DNAJC1: variants seen among roughly 807,000 people sequenced by gnomAD.
DNAJC1 encodes the protein dnaJ homolog subfamily C member 1.
A neutral mutation model predicts 76.6 loss-of-function variants in DNAJC1; 58 were observed. The ratio of observed to expected loss-of-function variants is 0.76; its 90% confidence interval spans 0.61 to 0.94. The LOEUF (loss-of-function observed/expected upper bound fraction) is 0.94. Ranked by LOEUF, DNAJC1 falls within the 40% of genes least tolerant of loss-of-function variation. The probability of loss-of-function intolerance (pLI) is 0.00; values close to 1 mark genes in which losing one functional copy is unlikely to be tolerated. For missense variants in DNAJC1, 689 were observed against 677.3 expected (o/e 1.02, Z -0.19); for synonymous variants, 258 against 267.9 (o/e 0.96, Z 0.36).
intron 1 of DNAJC1, among the ~76,000 whole-genome samples, chr10:21,958,388 A>G (rs1446549328): frequency 2.6e-5 from 4 of 151,778 alleles, no homozygotes; most frequent in East Asian, 3.9e-4. Flanking sequence ...GAATATTTCC[A>G]TCAACCCAAA....
chr10:21,910,252 A>T (rs2131753239), intron 6 of DNAJC1, among the ~76,000 whole-genome samples: 1 of 151,950 alleles, frequency 6.6e-6, no homozygotes, highest in African/African-American at 2.4e-5. Context: ...AATAGCTGGG[A>T]CTACAGGTGC....
chr10:21,967,634 A>T (rs949721526), intron 1 of DNAJC1, among the ~76,000 whole-genome samples: 1 of 152,222 alleles, frequency 6.6e-6, no homozygotes, highest in Non-Finnish European at 1.5e-5. Context: ...TAACAAAGAG[A>T]TCCTAAAATA....
In DNAJC1 at chr10:21,759,280, G is replaced by A; in HGVS notation, c.1486C>T (p.Pro496Ser). 6.2e-7 allele frequency: 1 copy of A among 1,614,210 alleles called. No individual in the cohort carries two copies. Among genetic ancestry groups the A allele is most frequent in the Non-Finnish European group, 8.5e-7 (1 of 1,180,034 alleles). The change falls in exon 11 of 12, where the codon CCG (proline) becomes TCG (serine). Residue 496 changes from proline to serine, a missense_variant. By Grantham distance (74) the Pro-to-Ser change is moderately conservative. Transcript: ENST00000376980. ...AGTTTCTGTTGATTTTGAGTCCACG[G>A]CTCCTCTGCAGACCGAGCTCTCTCT... Reference protein sequence around the residue: ...RKERARSAEEPWTQNQQKLLE... With the variant: ...RKERARSAEESWTQNQQKLLE...
intron 1 of DNAJC1, among the ~76,000 whole-genome samples, chr10:21,949,275 C>T (rs1024690531): frequency 6.6e-6 from 1 of 151,980 alleles, no homozygotes; most frequent in Non-Finnish European, 1.5e-5. Context: ...TATAGTTTAT[C>T]GTTCTCTGCT....
At chr10:21,872,705 G>T (rs1479377527) in intron 8 of DNAJC1, among the ~76,000 whole-genome samples, 1 of 152,166 alleles carries the variant, frequency 6.6e-6, no homozygotes, top group Non-Finnish European at 1.5e-5. Context: ...TATGAACAAT[G>T]GAAGTGCCAG....
At chr10:21,842,399 G>C (rs939199021) in intron 8 of DNAJC1, among the ~76,000 whole-genome samples, 1 of 152,166 alleles carries the variant, frequency 6.6e-6, no homozygotes, top group Admixed American at 6.5e-5. Flanking sequence ...TGAAAACACA[G>C]AGAGGTAGGG....
At chr10:21,878,169 A>G (rs1163679337) in intron 8 of DNAJC1, among the ~76,000 whole-genome samples, 3 of 152,196 alleles carry the variant, frequency 2.0e-5, no homozygotes, top group Non-Finnish European at 2.9e-5. Flanking sequence ...CATAGGCCCA[A>G]TGGTGTTATT....
At chr10:21,968,634 C>G (rs1837927952) in intron 1 of DNAJC1, among the ~76,000 whole-genome samples, 1 of 151,992 alleles carries the variant, frequency 6.6e-6, no homozygotes, top group African/African-American at 2.4e-5. Flanking sequence ...CCTCAGCCTC[C>G]CAAGTAGCTG....
At chr10:21,758,248 G>A (rs1834199136) in intron 11 of DNAJC1, among the ~76,000 whole-genome samples, 1 of 152,176 alleles carries the variant, frequency 6.6e-6, no homozygotes, top group Admixed American at 6.5e-5. Flanking sequence ...AGTGTGCCCA[G>A]AGGCGACTGA....
chr10:21,807,430 C>G (rs972928857), intron 8 of DNAJC1, among the ~76,000 whole-genome samples: 1 of 152,164 alleles, frequency 6.6e-6, no homozygotes, highest in East Asian at 1.9e-4. Flanking sequence ...TTTACTGTCT[C>G]CCCCAATCAA....
chr10:21,786,746 T>G (rs1201581755), intron 9 of DNAJC1, among the ~76,000 whole-genome samples: 31 of 152,070 alleles, frequency 2.0e-4, no homozygotes, highest in Admixed American at 2.0e-3. Context: ...ACTGGGATTA[T>G]AGGCATGAGC....
At chr10:21,989,059 T>G (rs1050580030) in intron 1 of DNAJC1, among the ~76,000 whole-genome samples, 1 of 152,148 alleles carries the variant, frequency 6.6e-6, no homozygotes, top group Non-Finnish European at 1.5e-5. Context: ...ACCCCCAGAC[T>G]TGAATAAAGT....
At chr10:21,788,571 A>T (rs997618492) in intron 9 of DNAJC1, among the ~76,000 whole-genome samples, 1 of 151,982 alleles carries the variant, frequency 6.6e-6, no homozygotes. Flanking sequence ...TCACTCTGCC[A>T]TTTTCTGCCC....
chr10:21,945,370 TGA>T (rs767638891), intron 1 of DNAJC1, among the ~76,000 whole-genome samples: 3 of 152,196 alleles, frequency 2.0e-5, no homozygotes, highest in Non-Finnish European at 2.9e-5. Flanking sequence ...GATACGTGGC[TGA>T]GAGAGACTTT....
intron 1 of DNAJC1, among the ~76,000 whole-genome samples, chr10:21,982,899 T>A (rs936963037): frequency 8.5e-5 from 13 of 152,054 alleles, no homozygotes; most frequent in Non-Finnish European, 1.6e-4. Flanking sequence ...AAAATTTTTT[T>A]AAAAAATTAG....
At chr10:21,924,611 C>T (rs372531688) in intron 3 of DNAJC1, among the ~76,000 whole-genome samples, 37 of 152,122 alleles carry the variant, frequency 2.4e-4, no homozygotes, top group Non-Finnish European at 4.4e-4. Context: ...TACTATTTCC[C>T]AAAACAAGTT....
Position 21,756,738 on chromosome 10 carries a change from C to T in DNAJC1, c.1614G>A (p.Arg538=). 6.2e-7 allele frequency: 1 copy of T among 1,613,584 alleles called. No individual in the cohort carries two copies. The change falls in exon 12 of 12, where the codon AGG becomes AGA. Residue 538 remains arginine (R), a synonymous_variant. Transcript: ENST00000376980. ...GGACCAGTTCAACCAGCAACTTGTA[C>T]CTAGCGATACAGTCTTCCTGTAGGA... ...PSKSKEDCIA[R]YKLLVELVQK...
At chr10:21,919,683 A>C in intron 5 of DNAJC1, 149 bp downstream of exon 5, 1 of 520,860 alleles carries the variant, frequency 1.9e-6, no homozygotes, top group East Asian at 3.1e-5. Context: ...AACTTGTCTC[A>C]TAAACAATGG....
At chr10:21,923,997 G>A (rs1011263782) in intron 3 of DNAJC1, among the ~76,000 whole-genome samples, 26 of 151,900 alleles carry the variant, frequency 1.7e-4, no homozygotes, top group African/African-American at 6.0e-4. Context: ...TGAATCTTCT[G>A]TATTACAAAG....
Sources: gnomAD v4.1 joint callset for allele counts (sites outside exome capture counted in the v4.1 genomes callset) on GRCh38, gnomAD v4.1.1 for gene constraint, MANE v1.5 for transcripts, NCBI Gene and HGNC (gene_info 2026-07-23, HGNC 2026-07-21) for gene names.